The following SDAD1 variants were observed in gnomAD, a reference collection of about 807,000 sequenced individuals.
The protein encoded by SDAD1 is protein SDA1 homolog.
In SDAD1, 79 loss-of-function variants were observed where a neutral mutation model predicts 100.3. That is an observed-to-expected ratio of 0.79 (90% CI 0.66 to 0.95). The LOEUF (loss-of-function observed/expected upper bound fraction) is 0.95, where lower values mean the gene tolerates loss of function less well. SDAD1 is among the 40% of genes least tolerant of loss of function. SDAD1 has a pLI of 0.00. For synonymous variants in SDAD1, 267 were observed against 271.4 expected (o/e 0.98, Z 0.16); for missense variants, 790 against 810.9 (o/e 0.97, Z 0.31).
At chr4:75,965,894 G>T (rs1292094183) in intron 12 of SDAD1, 72 bp from the exon 13 acceptor site, 12 of 1,249,088 alleles carry the variant, frequency 9.6e-6, no homozygotes, top group Non-Finnish European at 1.4e-5. Flanking sequence ...AGCAAACATG[G>T]CAAGCTCATT....
chr4:75,961,481 G>A (rs1729226932), intron 14 of SDAD1, among the ~76,000 whole-genome samples, 173 bp from the exon 15 acceptor site: 1 of 152,006 alleles, frequency 6.6e-6, no homozygotes, highest in South Asian at 2.1e-4. Context: ...AGCCTTAGAG[G>A]GCTTTTATTC....
intron 1 of SDAD1, among the ~76,000 whole-genome samples, chr4:75,985,284 C>A (rs1730824001): frequency 6.6e-6 from 1 of 152,108 alleles, no homozygotes; most frequent in Admixed American, 6.5e-5. Flanking sequence ...GGGGTGGGGC[C>A]AAGGCATCTA....
At chr4:75,979,621 T>G (rs1730375682) in intron 3 of SDAD1, among the ~76,000 whole-genome samples, 2 of 151,934 alleles carry the variant, frequency 1.3e-5, no homozygotes, top group East Asian at 3.9e-4. Flanking sequence ...ATGCCCGGCT[T>G]ATTTTGTATT....
At chr4:75,966,953 G>C (rs573361557) in intron 12 of SDAD1, among the ~76,000 whole-genome samples, 75 of 152,302 alleles carry the variant, frequency 4.9e-4, no homozygotes, top group African/African-American at 1.8e-3. Context: ...TTTTAGTACA[G>C]ATGAAGTTTC....
At position 75,970,311 on chromosome 4, in the gene SDAD1, T is replaced by G; in HGVS notation, c.881A>C (p.Gln294Pro). The G allele has an allele frequency of 9.9e-6, 16 of 1,612,956 alleles. No homozygotes were observed. Among genetic ancestry groups the G allele is most frequent in the Non-Finnish European group, 1.4e-5 (16 of 1,178,990 alleles). Residue 294 changes from glutamine (Q) to proline (P), a missense_variant and splice_region_variant, in exon 10 of 22, where the codon CAA becomes CCA. Coordinates refer to ENST00000356260, the MANE Select transcript of SDAD1 (RefSeq NM_018115.4). ...ACTCGGACGTCATAATAACGTACCT[T>G]GGGGATCATGAATCAAGTGAATGGC... ...FSAIHLIHDP[Q>P]DFAEKLLKQL...
At chr4:75,952,785 A>C (rs1228895555) in intron 21 of SDAD1, among the ~76,000 whole-genome samples, 1 of 152,224 alleles carries the variant, frequency 6.6e-6, no homozygotes, top group Non-Finnish European at 1.5e-5. Context: ...GATGTGCTGC[A>C]GTGTTAACGA....
At chr4:75,974,632 C>A (rs1042377613) in intron 6 of SDAD1, among the ~76,000 whole-genome samples, 11 of 152,004 alleles carry the variant, frequency 7.2e-5, no homozygotes, top group African/African-American at 2.7e-4. Context: ...CTGCTTGAAC[C>A]CAGGAGGCGG....
intron 1 of SDAD1, among the ~76,000 whole-genome samples, chr4:75,983,636 G>T (rs548520053): frequency 2.3e-3 from 339 of 149,188 alleles, no homozygotes; most frequent in Admixed American, 6.8e-3. Context: ...TTTTGATGGG[G>T]TTTTTTTTTT....
intron 12 of SDAD1, 22 bp from the exon 13 acceptor site, chr4:75,965,844 AAGGTC>A: frequency 6.2e-7 from 1 of 1,609,346 alleles, no homozygotes; most frequent in Non-Finnish European, 8.5e-7. Context: ...AGAGAACAGA[AAGGTC>A]ATGGTCAGTG....
chr4:75,969,306 C>T lies in SDAD1; in HGVS notation c.977G>A (p.Gly326Glu), dbSNP rs773234612. 1.2e-6 allele frequency: 2 copies of T among 1,609,646 alleles called. No homozygotes were observed. Among genetic ancestry groups the T allele is most frequent in the African/African-American group, 2.7e-5 (2 of 74,828 alleles). The change falls in exon 11 of 22, where the codon GGA becomes GAA. Residue 326 changes from glycine to glutamate, a missense_variant. Physicochemically the swap from Gly to Glu is moderately conservative, Grantham distance 98. Coordinates refer to ENST00000356260, the MANE Select transcript of SDAD1 (RefSeq NM_018115.4). Reference protein sequence around the residue: ...MLMNLISRLVGIHELFLFNFY... With the variant: ...MLMNLISRLVEIHELFLFNFY... ...TAATATAATTCAAACCTCATGAATT[C>T]CCACCAATCTGGAGATAAGGTTCAT...
chr4:75,981,292 G>C, intron 3 of SDAD1, 80 bp downstream of exon 3: 1 of 1,278,678 alleles, frequency 7.8e-7, no homozygotes, highest in African/African-American at 1.5e-5. Context: ...AATTAGCTTA[G>C]AGGCTGTTCT....
intron 2 of SDAD1, 29 bp downstream of exon 2, chr4:75,981,904 G>A (rs201081381): frequency 2.2e-5 from 31 of 1,420,502 alleles, no homozygotes; most frequent in Non-Finnish European, 2.9e-5. Context: ...TGTTAATACT[G>A]GTCTTTATTT....
In SDAD1 at chr4:75,950,436, C is replaced by G. The variant is rs1414799669; in HGVS notation, c.*314G>C. ...GTGTCCACCCTCACAGCTAAGCTGT[C>G]AATGCCTTGAGTGAAGGGGTTACAG... On this transcript the variant is annotated 3_prime_UTR_variant, in exon 22 of 22. Coordinates refer to ENST00000356260, the MANE Select transcript of SDAD1 (RefSeq NM_018115.4). The G allele has an allele frequency of 1.1e-5, 3 of 266,304 alleles. No homozygotes were observed. Among genetic ancestry groups the G allele is most frequent in the Non-Finnish European group, 2.2e-5 (3 of 135,952 alleles). 16.5% of individuals were successfully genotyped at this position (266,304 alleles called of 1,614,324 possible).
intron 13 of SDAD1, 118 bp from the exon 14 acceptor site, chr4:75,964,329 T>C: frequency 2.8e-6 from 2 of 707,128 alleles, no homozygotes; most frequent in Non-Finnish European, 2.4e-6. Flanking sequence ...ACCTTCAGTT[T>C]AGGAATTGGA....
At chr4:75,984,648 C>T (rs906145027) in intron 1 of SDAD1, among the ~76,000 whole-genome samples, 2 of 152,112 alleles carry the variant, frequency 1.3e-5, no homozygotes, top group African/African-American at 4.8e-5. Flanking sequence ...TTAGTTGTAA[C>T]AGCCACCTGA....
At chr4:75,965,103 A>G (rs1000640195) in intron 13 of SDAD1, among the ~76,000 whole-genome samples, 2 of 152,198 alleles carry the variant, frequency 1.3e-5, no homozygotes, top group African/African-American at 4.8e-5. Flanking sequence ...TAGGAGAAAT[A>G]TTGCTGAATT....
chr4:75,957,429 AC>A lies in SDAD1; in HGVS notation c.1770-21del. 1 of 1,613,170 alleles carries A rather than the reference AC, an allele frequency of 6.2e-7. No individual in the cohort carries two copies. On this transcript the variant is annotated intron_variant, in intron 19 of 21. Transcript: ENST00000356260. ...TCACCCCTGGGGTGAGGGAAAAATA[AC>A]ACATGAAACAAGAATGGAATTCTGT...
chr4:75,975,345 A>T (rs182822175), intron 6 of SDAD1, among the ~76,000 whole-genome samples: 1 of 152,208 alleles, frequency 6.6e-6, no homozygotes, highest in Non-Finnish European at 1.5e-5. Context: ...TTGACTTGAA[A>T]ATCTTCAGAG....
At chr4:75,978,143 C>A (rs1236455036) in intron 3 of SDAD1, among the ~76,000 whole-genome samples, 2 of 151,528 alleles carry the variant, frequency 1.3e-5, no homozygotes, top group Non-Finnish European at 2.9e-5. Context: ...TTGGAATAAT[C>A]AATGAGAGTT....
Sources: allele counts gnomAD v4.1 joint callset (sites outside exome capture counted in the v4.1 genomes callset), GRCh38; gene constraint gnomAD v4.1.1; transcripts MANE v1.5; gene names NCBI Gene and HGNC (gene_info 2026-07-23, HGNC 2026-07-21).